Variants in FBLN2 observed in about 807,000 individuals in gnomAD.
FBLN2 encodes the protein fibulin 2.
FBLN2 carries 81 observed loss-of-function variants against 123.7 expected under a neutral mutation model. The observed-to-expected ratio is 0.65, with a 90% CI of 0.55 to 0.79. The LOEUF is 0.79. Among genes scored for constraint, FBLN2 ranks in the 30% least tolerant of loss-of-function variants. The pLI is 0.00. For synonymous variants in FBLN2, 699 were observed against 701.4 expected, an observed-to-expected ratio of 1.00 and a Z score of 0.05; for missense variants, 1,603 against 1,681.3, an observed-to-expected ratio of 0.95 and a Z score of 0.81.
chr3:13,569,045 T>C (rs1703835688), intron 1 of FBLN2: 1 of 985,958 alleles, frequency 1.0e-6, no homozygotes, highest in South Asian at 4.7e-5. Flanking sequence ...AGCTCTTGCC[T>C]GTGACTTTGG....
intron 2 of FBLN2, among the ~76,000 whole-genome samples, chr3:13,577,895 A>G (rs1704201262): frequency 6.6e-6 from 1 of 152,192 alleles, no homozygotes; most frequent in Non-Finnish European, 1.5e-5. Context: ...ACCTGGAGAT[A>G]CTCTGCATGG....
At chr3:13,609,735 G>C in intron 4 of FBLN2, 93 bp downstream of exon 4, 1 of 1,460,126 alleles carries the variant, frequency 6.8e-7, no homozygotes. Flanking sequence ...CAAGAAGTTA[G>C]GCTGTCCTTG....
Position 13,584,470 on chromosome 3 carries a change from T to C in FBLN2, c.1306+12809T>C, listed in dbSNP as rs74478817. Among the ~76,000 whole-genome samples the C allele has an allele frequency of 9.5e-3, 1,450 of 152,248 alleles. 17 individuals are homozygous for C. Among genetic ancestry groups the C allele is most frequent in the African/African-American group, 0.033 (1,354 of 41,540 alleles). On this transcript the variant is annotated intron_variant, in intron 2 of 17. Transcript: ENST00000404922. ...GGATCAGTGTCATGGTGAGGCTACA[T>C]GGAGGGCTGAGGGCAGGGACCTGCA...
intron 1 of FBLN2, among the ~76,000 whole-genome samples, chr3:13,554,525 C>T (rs768634295): frequency 1.3e-5 from 2 of 151,806 alleles, no homozygotes; most frequent in Non-Finnish European, 2.9e-5. Flanking sequence ...CACACACGTT[C>T]TCTCTTTCTC....
chr3:13,627,693 G>A, intron 10 of FBLN2, 139 bp from the exon 11 acceptor site: 1 of 1,101,312 alleles, frequency 9.1e-7, no homozygotes, highest in Non-Finnish European at 1.3e-6. Context: ...CGGCAACAAT[G>A]TGGCTGTGCC....
intron 2 of FBLN2, among the ~76,000 whole-genome samples, chr3:13,601,382 C>G (rs897976298): frequency 2.0e-5 from 3 of 152,236 alleles, no homozygotes; most frequent in African/African-American, 7.2e-5. Context: ...TAAGGAGAGT[C>G]TCCCACATGC....
At chr3:13,628,350 G>T (rs1408124420) in intron 11 of FBLN2, among the ~76,000 whole-genome samples, 1 of 152,122 alleles carries the variant, frequency 6.6e-6, no homozygotes, top group African/African-American at 2.4e-5. Context: ...TGCAATACCA[G>T]TGTCCCCACA....
chr3:13,584,366 G>C (rs187022434), intron 2 of FBLN2, among the ~76,000 whole-genome samples: 299 of 152,312 alleles, frequency 2.0e-3, no homozygotes, highest in Admixed American at 7.4e-3. Flanking sequence ...AGGTGCAGAG[G>C]ATGGGGGCCC....
chr3:13,610,405 G>A (rs1705352363), intron 4 of FBLN2, among the ~76,000 whole-genome samples: 1 of 152,150 alleles, frequency 6.6e-6, no homozygotes, highest in Non-Finnish European at 1.5e-5. Flanking sequence ...ATGGGAGGTG[G>A]GATTGGGATG....
At position 13,556,028 on chromosome 3, in the gene FBLN2, T is replaced by G. The variant is rs115219597; in HGVS notation, c.-42+6820T>G. On this transcript the variant is annotated intron_variant, in intron 1 of 17. Transcript: ENST00000404922. Reference sequence around the variant, plus strand: ...GGCATGTTTCGTGCTAGGCTGGGGTTGATGGAGGAGGCCCCAGCCCTCTAG... The same window carrying G: ...GGCATGTTTCGTGCTAGGCTGGGGTGGATGGAGGAGGCCCCAGCCCTCTAG... Among the ~76,000 whole-genome samples, 712 of 152,240 alleles carry G rather than the reference T, an allele frequency of 4.7e-3. 9 individuals are homozygous for G. The highest frequency in any genetic ancestry group is 0.016 in the African/African-American group (665 of 41,550).
chr3:13,629,415 C>A, intron 13 of FBLN2, 123 bp downstream of exon 13: 1 of 1,324,962 alleles, frequency 7.5e-7, no homozygotes, highest in Non-Finnish European at 1.0e-6. Flanking sequence ...CTGGAGTCCA[C>A]AAGGTCGCCT....
At chr3:13,603,870 C>T (rs1262125256) in intron 2 of FBLN2, among the ~76,000 whole-genome samples, 1 of 152,186 alleles carries the variant, frequency 6.6e-6, no homozygotes, top group East Asian at 1.9e-4. Flanking sequence ...AAAAGCGTTC[C>T]TATTTCTCCA....
chr3:13,630,715 G>A lies in FBLN2; in HGVS notation c.2985G>A (p.Glu995=), dbSNP rs1478086263. 1 of 1,606,712 alleles carries A rather than the reference G, an allele frequency of 6.2e-7. No individual in the cohort carries two copies. The highest frequency in any genetic ancestry group is 1.7e-5 in the Admixed American group (1 of 59,364). The part of the protein sequence containing the change: ...GKRCEDVNEC[E]AQRCSQECAN... ...TCCCTGCAGACGTGAATGAGTGTGA[G>A]GCCCAGCGCTGCAGCCAGGAGTGTG... The change falls in exon 15 of 18, where the codon GAG becomes GAA. Residue 995 remains glutamate, a synonymous_variant. Transcript: ENST00000404922.
At position 13,618,304 on chromosome 3, in the gene FBLN2, A is replaced by G; in HGVS notation, c.1939+19A>G. 1.2e-6 allele frequency: 2 copies of G among 1,612,760 alleles called. No homozygotes were observed. The highest frequency in any genetic ancestry group is 1.7e-6 in the Non-Finnish European group (2 of 1,179,226). ...CGCCCAGGTAAGGGCCCTGATGGCC[A>G]GGGCAGGGGCTATGGGAAGGGCTGA... is the stretch of plus-strand genomic sequence containing the variant. On this transcript the variant is annotated intron_variant, in intron 6 of 17. Coordinates refer to ENST00000404922, the MANE Select transcript of FBLN2 (RefSeq NM_001004019.2).
intron 2 of FBLN2, among the ~76,000 whole-genome samples, chr3:13,607,019 G>A (rs981064152): frequency 3.3e-5 from 5 of 150,632 alleles, no homozygotes; most frequent in Middle Eastern, 3.5e-3. Context: ...ACGGAGTCTT[G>A]CTCTGTCACC....
In FBLN2 at chr3:13,629,908, C is replaced by T. The variant is rs374967498; in HGVS notation, c.2931C>T (p.Ser977=). 3.5e-5 allele frequency: 56 copies of T among 1,608,760 alleles called. No individual in the cohort carries two copies. Among genetic ancestry groups the T allele is most frequent in the Middle Eastern group, 3.3e-4 (2 of 6,058 alleles). ...GCTCCTACCGCTGTTCCTGCGCCTCCGGGTTCCTGCTAGCAGCGGACGGCA... is the reference window on the plus strand; with the variant it reads ...GCTCCTACCGCTGTTCCTGCGCCTCTGGGTTCCTGCTAGCAGCGGACGGCA... ...TLGSYRCSCA[S]GFLLAADGKR... Residue 977 remains serine (S), a synonymous_variant, in exon 14 of 18, where the codon TCC becomes TCT. Transcript: ENST00000404922.
chr3:13,637,447 C>A lies in FBLN2; in HGVS notation c.3339-115C>A. On this transcript the variant is annotated intron_variant, in intron 17 of 17. Coordinates refer to ENST00000404922, the MANE Select transcript of FBLN2 (RefSeq NM_001004019.2). Reference sequence around the variant, plus strand: ...AGGGGACTTGCCTGAGGCTTCCCGGCCATTAGGGAGAGAGCTGGCCCTTGA... The same window carrying A: ...AGGGGACTTGCCTGAGGCTTCCCGGACATTAGGGAGAGAGCTGGCCCTTGA... 1.6e-5 allele frequency: 15 copies of A among 951,318 alleles called. No homozygotes were observed. The South Asian group carries it at 2.6e-4, about 16-fold the overall frequency. 58.9% of individuals were successfully genotyped at this position (951,318 alleles called of 1,614,324 possible). A position where few individuals can be genotyped will look rare whatever the true frequency, so the allele number is the denominator to read the frequency against.
intron 4 of FBLN2, among the ~76,000 whole-genome samples, chr3:13,611,746 G>A (rs1024988942): frequency 6.6e-6 from 1 of 152,340 alleles, no homozygotes; most frequent in African/African-American, 2.4e-5. Flanking sequence ...GTGAACATGA[G>A]CAGAAGAAGA....
intron 2 of FBLN2, among the ~76,000 whole-genome samples, chr3:13,574,364 G>A (rs937595765): frequency 2.0e-5 from 3 of 152,198 alleles, no homozygotes; most frequent in Non-Finnish European, 2.9e-5. Flanking sequence ...CGCCCTGCCC[G>A]AGGGTTCCTC....
Sources: allele counts gnomAD v4.1 joint callset (sites outside exome capture counted in the v4.1 genomes callset), GRCh38; gene constraint gnomAD v4.1.1; transcripts MANE v1.5; gene names NCBI Gene and HGNC (gene_info 2026-07-23, HGNC 2026-07-21).